LINGO2: variants seen among roughly 807,000 people sequenced by gnomAD.
LINGO2 encodes leucine-rich repeat and immunoglobulin-like domain-containing nogo receptor-interacting protein 2.
Under a neutral mutation model 30.6 loss-of-function variants are expected in LINGO2, and 14 were observed. The ratio of observed to expected loss-of-function variants is 0.46; its 90% CI spans 0.30 to 0.72. The LOEUF (loss-of-function observed/expected upper bound fraction) is 0.72, where lower values mean the gene tolerates loss of function less well. Among genes scored for constraint, LINGO2 ranks in the 30% least tolerant of loss-of-function variants. The probability of loss-of-function intolerance (pLI) is 0.07; values close to 1 mark genes in which losing one functional copy is unlikely to be tolerated. For missense variants in LINGO2, 729 were observed against 751.7 expected, an observed-to-expected ratio of 0.97 and a Z score of 0.35; for synonymous variants, 317 against 288.5, an observed-to-expected ratio of 1.10 and a Z score of -1.00.
chr9:28,633,502 G>C (rs1011192727), intron 1 of LINGO2, among the ~76,000 whole-genome samples: 1 of 152,126 alleles, frequency 6.6e-6, no homozygotes, highest in Non-Finnish European at 1.5e-5. Flanking sequence ...AATAATTAAA[G>C]AAATTAGGTG....
chr9:28,357,177 G>C (rs1820241986), intron 3 of LINGO2, among the ~76,000 whole-genome samples: 1 of 151,932 alleles, frequency 6.6e-6, no homozygotes. Context: ...CTAATTTATG[G>C]TTCTTTCGGG....
At chr9:29,174,475 C>A in the LINGO2 span, among the ~76,000 whole-genome samples, 1 of 152,224 alleles carries the variant, frequency 6.6e-6, no homozygotes, top group Non-Finnish European at 1.5e-5. Flanking sequence ...AATAGCATTT[C>A]ATGCTACGTC....
exon 6 of LINGO2, chr9:27,949,912 G>A: frequency 6.2e-7 from 1 of 1,614,108 alleles, no homozygotes; most frequent in East Asian, 2.2e-5. Flanking sequence ...GTGACTGAAA[G>A]GGATGTGAGG....
chr9:28,590,249 G>A (rs1824806998), intron 1 of LINGO2, among the ~76,000 whole-genome samples: 1 of 152,032 alleles, frequency 6.6e-6, no homozygotes, highest in East Asian at 1.9e-4. Context: ...GCATGGGCAA[G>A]GACTTCATGT....
intron 1 of LINGO2, among the ~76,000 whole-genome samples, chr9:28,667,067 T>C (rs1031152043): frequency 6.6e-6 from 1 of 152,152 alleles, no homozygotes. Flanking sequence ...ATAAAAAAGA[T>C]GTGAAGTGTT....
chr9:28,779,700 T>C, the LINGO2 span, among the ~76,000 whole-genome samples: 2 of 152,168 alleles, frequency 1.3e-5, no homozygotes, highest in African/African-American at 4.8e-5. Flanking sequence ...GCCACAGTTT[T>C]TTTCTGATTG....
the LINGO2 span, among the ~76,000 whole-genome samples, chr9:29,040,260 T>C: frequency 2.0e-5 from 3 of 152,112 alleles, no homozygotes; most frequent in African/African-American, 7.2e-5. Flanking sequence ...AAAATTGCCA[T>C]GGAATTTTGT....
chr9:28,102,535 G>A (rs1358015309), intron 4 of LINGO2, among the ~76,000 whole-genome samples: 1 of 152,034 alleles, frequency 6.6e-6, no homozygotes, highest in Non-Finnish European at 1.5e-5. Flanking sequence ...TATGCTGTAT[G>A]TGTTTAATTA....
chr9:27,995,386 G>C (rs988271105), intron 5 of LINGO2, among the ~76,000 whole-genome samples: 15 of 152,054 alleles, frequency 9.9e-5, no homozygotes, highest in Admixed American at 9.2e-4. Flanking sequence ...CATTCCATGA[G>C]GCCAGCTTTA....
the LINGO2 span, among the ~76,000 whole-genome samples, chr9:29,100,892 T>G: frequency 6.6e-6 from 1 of 151,998 alleles, no homozygotes; most frequent in Non-Finnish European, 1.5e-5. Context: ...AATTAAAAAT[T>G]AAGACAGAAG....
the LINGO2 span, among the ~76,000 whole-genome samples, chr9:29,114,113 T>G: frequency 6.9e-6 from 1 of 144,876 alleles, no homozygotes; most frequent in African/African-American, 2.6e-5. Context: ...TTTTCTGACT[T>G]TTTTGGTTCC....
At chr9:28,692,838 T>A in the LINGO2 span, among the ~76,000 whole-genome samples, 4 of 152,174 alleles carry the variant, frequency 2.6e-5, no homozygotes, top group Admixed American at 2.6e-4. Flanking sequence ...TGGGTGTCAA[T>A]ATCACATATT....
At chr9:28,184,747 C>T (rs547860153) in intron 4 of LINGO2, among the ~76,000 whole-genome samples, 1 of 152,146 alleles carries the variant, frequency 6.6e-6, no homozygotes, top group Admixed American at 6.5e-5. Context: ...AAGTAAACAA[C>T]AACACACTTT....
chr9:28,809,739 C>A, the LINGO2 span, among the ~76,000 whole-genome samples: 4 of 110,212 alleles, frequency 3.6e-5, no homozygotes, highest in African/African-American at 1.4e-4. Context: ...GGGCCAGACT[C>A]TGTCTCAAAA....
intron 1 of LINGO2, among the ~76,000 whole-genome samples, chr9:28,483,724 T>G (rs1345699744): frequency 1.3e-5 from 2 of 152,026 alleles, no homozygotes; most frequent in African/African-American, 2.4e-5. Flanking sequence ...GAAACATGAT[T>G]TACTTTATTC....
chr9:27,938,872 T>A, the LINGO2 span: 1 of 152,136 alleles, frequency 6.6e-6, no homozygotes, highest in Admixed American at 6.6e-5. Flanking sequence ...GCTTGGATAA[T>A]TGGAAAATTA....
the LINGO2 span, among the ~76,000 whole-genome samples, chr9:28,955,966 G>A: frequency 6.6e-6 from 1 of 151,804 alleles, no homozygotes; most frequent in Non-Finnish European, 1.5e-5. Flanking sequence ...TTACAAACAA[G>A]TAATTCCTAA....
chr9:28,601,266 C>A (rs544182861), intron 1 of LINGO2, among the ~76,000 whole-genome samples: 3 of 152,180 alleles, frequency 2.0e-5, no homozygotes, highest in Admixed American at 1.3e-4. Flanking sequence ...GACAGACATC[C>A]AAAGAAACAT....
the LINGO2 span, among the ~76,000 whole-genome samples, chr9:29,137,969 A>C: frequency 6.6e-6 from 1 of 152,054 alleles, no homozygotes; most frequent in Non-Finnish European, 1.5e-5. Flanking sequence ...TTCAATCAGT[A>C]CCTAGGAAAT....
Sources: allele counts gnomAD v4.1 joint callset (sites outside exome capture counted in the v4.1 genomes callset), GRCh38; gene constraint gnomAD v4.1.1; transcripts MANE v1.5; gene names NCBI Gene and HGNC (gene_info 2026-07-23, HGNC 2026-07-21).